Variants in ULK4 observed in about 807,000 individuals in gnomAD.
ULK4 encodes unc-51 like kinase 4, also known as inactive serine/threonine-protein kinase ULK4.
A neutral mutation model predicts 160.6 loss-of-function variants in ULK4; 133 were observed. The observed-to-expected ratio is 0.83, with a 90% CI of 0.72 to 0.96. The LOEUF (loss-of-function observed/expected upper bound fraction) is 0.96. ULK4 is among the 40% of genes least tolerant of loss of function. The pLI is 0.00. For synonymous variants in ULK4, 534 were observed against 539.8 expected (o/e 0.99, Z 0.15); for missense variants, 1,580 against 1,499.5 (o/e 1.05, Z -0.89).
chr3:41,850,021 C>G (rs1053992389), intron 17 of ULK4, among the ~76,000 whole-genome samples: 1 of 152,214 alleles, frequency 6.6e-6, no homozygotes, highest in East Asian at 1.9e-4. Flanking sequence ...CCCAAGTGTC[C>G]TCATTGTTCA....
intron 22 of ULK4, among the ~76,000 whole-genome samples, chr3:41,745,559 C>A (rs545258596): frequency 5.9e-5 from 9 of 151,550 alleles, no homozygotes; most frequent in Non-Finnish European, 1.2e-4. Context: ...CTAGAGAATT[C>A]TACAAAAATT....
chr3:41,750,594 C>G (rs1460519099), intron 22 of ULK4, among the ~76,000 whole-genome samples: 2 of 152,138 alleles, frequency 1.3e-5, no homozygotes, highest in African/African-American at 4.8e-5. Context: ...CCATTGTCTT[C>G]CAGTTCTAGA....
In ULK4 at chr3:41,632,735, C is replaced by CA. The variant is rs71616020; in HGVS notation, c.3072-17019dup. 3.8e-3 allele frequency among the ~76,000 whole-genome samples: 532 copies of CA among 141,682 alleles called. 2 individuals carry two copies. The highest frequency in any genetic ancestry group is 0.011 in the Middle Eastern group (3 of 272). 92.9% of individuals were successfully genotyped at this position (141,682 alleles called of 152,430 possible). On this transcript the variant is annotated intron_variant, in intron 30 of 36. Transcript: ENST00000301831. ...TATGTGCTAACTCACTGGATTCTAACAAAAAAAAAAAAACCTCATAGTTAG... is the reference window on the plus strand; with the variant it reads ...TATGTGCTAACTCACTGGATTCTAACAAAAAAAAAAAAAACCTCATAGTTAG...
At position 41,900,725 on chromosome 3, in the gene ULK4, CT is replaced by C; in HGVS notation, c.1286del (p.Lys429ArgfsTer2). 6.2e-7 allele frequency: 1 copy of C among 1,612,452 alleles called. No individual in the cohort carries two copies. Among genetic ancestry groups the C allele is most frequent in the South Asian group, 1.1e-5 (1 of 90,872 alleles). On this transcript the variant is annotated frameshift_variant and splice_region_variant, in exon 13 of 37. Coordinates refer to ENST00000301831, the MANE Select transcript of ULK4 (RefSeq NM_017886.4). LOFTEE classifies it high-confidence loss of function. ...LVVTPIIDNP[K>X]IMKQPPVKFD... Reference sequence around the variant, plus strand: ...CAGTTGTTAGAGTGTCTTTCTGCACCTTTGGATTGTCGATAATGGGGGTGAC... The same window carrying C: ...CAGTTGTTAGAGTGTCTTTCTGCACCTTGGATTGTCGATAATGGGGGTGAC...
chr3:41,369,435 A>T (rs769688017), intron 35 of ULK4, among the ~76,000 whole-genome samples: 2 of 151,924 alleles, frequency 1.3e-5, no homozygotes, highest in Non-Finnish European at 2.9e-5. Flanking sequence ...TCAAGGCTGC[A>T]GTAAGCTGAG....
chr3:41,613,135 A>T (rs961880403), intron 31 of ULK4, among the ~76,000 whole-genome samples: 1 of 152,208 alleles, frequency 6.6e-6, no homozygotes, highest in Non-Finnish European at 1.5e-5. Flanking sequence ...GCTGCCATAT[A>T]TATGCTAGAC....
At chr3:41,397,754 G>T (rs2082092378) in intron 35 of ULK4, among the ~76,000 whole-genome samples, 1 of 152,162 alleles carries the variant, frequency 6.6e-6, no homozygotes, top group Non-Finnish European at 1.5e-5. Context: ...AATTTTATCA[G>T]TGTTAAACTT....
intron 30 of ULK4, among the ~76,000 whole-genome samples, chr3:41,628,317 C>T (rs1228818642): frequency 6.6e-6 from 1 of 152,096 alleles, no homozygotes; most frequent in Non-Finnish European, 1.5e-5. Context: ...TTATACAGTA[C>T]CTCCCCATAA....
At chr3:41,664,690 T>C (rs1298419158) in intron 29 of ULK4, among the ~76,000 whole-genome samples, 1 of 152,198 alleles carries the variant, frequency 6.6e-6, no homozygotes, top group Admixed American at 6.5e-5. Flanking sequence ...GACAGCCAAG[T>C]TCCTAGATGT....
intron 19 of ULK4, among the ~76,000 whole-genome samples, chr3:41,817,182 T>C (rs773861683): frequency 2.0e-5 from 3 of 152,188 alleles, no homozygotes; most frequent in African/African-American, 7.2e-5. Context: ...TGTAAACTAA[T>C]CTAGCTTTAA....
chr3:41,410,863 T>C (rs1470187347), intron 34 of ULK4, among the ~76,000 whole-genome samples: 2 of 152,126 alleles, frequency 1.3e-5, no homozygotes, highest in African/African-American at 4.8e-5. Flanking sequence ...CCCCCAAGTG[T>C]CTTTGTCTCT....
At position 41,313,980 on chromosome 3, in the gene ULK4, T is replaced by C. The variant is rs570874671; in HGVS notation, c.3679-64406A>G. On this transcript the variant is annotated intron_variant, in intron 35 of 36. Transcript: ENST00000301831. ...GCGTCCCAGGGAAGCCCAGCCTACA[T>C]GAGCAGGTCATGTACAAGGGTTCCA... Among the ~76,000 whole-genome samples the C allele has an allele frequency of 6.0e-4, 91 of 152,248 alleles. 1 individual carries two copies. Among genetic ancestry groups the C allele is most frequent in the Admixed American group, 1.8e-3 (27 of 15,298 alleles).
intron 27 of ULK4, among the ~76,000 whole-genome samples, chr3:41,684,106 A>C (rs2036016930): frequency 6.6e-6 from 1 of 152,222 alleles, no homozygotes; most frequent in South Asian, 2.1e-4. Context: ...AAATGGAAAA[A>C]AGATGACTTT....
chr3:41,578,882 G>A (rs1458509631), intron 31 of ULK4, among the ~76,000 whole-genome samples: 1 of 152,202 alleles, frequency 6.6e-6, no homozygotes, highest in African/African-American at 2.4e-5. Context: ...AAGTCCAGAA[G>A]AGAACTCTTC....
intron 5 of ULK4, among the ~76,000 whole-genome samples, chr3:41,928,254 G>C (rs1428025018): frequency 6.6e-6 from 1 of 152,114 alleles, no homozygotes; most frequent in East Asian, 1.9e-4. Flanking sequence ...ATGACTACTG[G>C]GTAAATAATG....
In ULK4 at chr3:41,827,497, A is replaced by C. The variant is rs965081962; in HGVS notation, c.1765-7991T>G. Among the ~76,000 whole-genome samples the C allele has an allele frequency of 7.2e-4, 109 of 152,256 alleles. 1 individual carries two copies. The highest frequency in any genetic ancestry group is 2.5e-3 in the African/African-American group (104 of 41,534). ...CACCGATCCCACAGAAATACAAACTACCATCAGAGAATACTACAAACACCT... is the reference window on the plus strand; with the variant it reads ...CACCGATCCCACAGAAATACAAACTCCCATCAGAGAATACTACAAACACCT... On this transcript the variant is annotated intron_variant, in intron 18 of 36. Transcript: ENST00000301831.
chr3:41,751,909 C>T (rs185848874), intron 22 of ULK4, among the ~76,000 whole-genome samples: 14 of 152,244 alleles, frequency 9.2e-5, no homozygotes, highest in African/African-American at 3.4e-4. Context: ...CAAAATGCAA[C>T]AGACAAACCA....
At chr3:41,731,844 C>A (rs1308908976) in intron 22 of ULK4, among the ~76,000 whole-genome samples, 1 of 152,074 alleles carries the variant, frequency 6.6e-6, no homozygotes, top group Non-Finnish European at 1.5e-5. Context: ...TTATAGCCAG[C>A]TGATTTTCAA....
chr3:41,781,163 C>A (rs2039827443), intron 21 of ULK4, among the ~76,000 whole-genome samples: 1 of 151,980 alleles, frequency 6.6e-6, no homozygotes, highest in Admixed American at 6.6e-5. Flanking sequence ...TATTTGCAAA[C>A]AGATATCTGA....
Sources: allele counts gnomAD v4.1 joint callset (sites outside exome capture counted in the v4.1 genomes callset), GRCh38; gene constraint gnomAD v4.1.1; transcripts MANE v1.5; gene names NCBI Gene and HGNC (gene_info 2026-07-23, HGNC 2026-07-21).